Variants in SLC9C2 observed in about 807,000 individuals in gnomAD.
The protein encoded by SLC9C2 is sodium/hydrogen exchanger 11.
A neutral mutation model predicts 140.2 loss-of-function variants in SLC9C2; 75 were observed. The ratio of observed to expected loss-of-function variants is 0.53; its 90% confidence interval spans 0.44 to 0.65. The LOEUF (loss-of-function observed/expected upper bound fraction) is 0.65. Among genes scored for constraint, SLC9C2 ranks in the 30% least tolerant of loss-of-function variants. The pLI is 0.00. For synonymous variants in SLC9C2, 375 were observed against 420.9 expected (o/e 0.89, Z 1.34); for missense variants, 1,074 against 1,331.8 (o/e 0.81, Z 3.01).
At chr1:173,542,355 A>G (rs1047703793) in intron 13 of SLC9C2, among the ~76,000 whole-genome samples, 9 of 152,214 alleles carry the variant, frequency 5.9e-5, no homozygotes, top group Non-Finnish European at 1.2e-4. Context: ...TCTGAAATTG[A>G]GGCAATAATT....
intron 23 of SLC9C2, among the ~76,000 whole-genome samples, chr1:173,513,182 T>C (rs953669156): frequency 6.6e-6 from 1 of 152,208 alleles, no homozygotes; most frequent in Non-Finnish European, 1.5e-5. Flanking sequence ...CCTCATAAAA[T>C]GAGTTAGGGA....
intron 9 of SLC9C2, among the ~76,000 whole-genome samples, chr1:173,561,896 TA>T (rs962282007): frequency 1.3e-5 from 2 of 150,468 alleles, no homozygotes; most frequent in African/African-American, 4.9e-5. Context: ...CCCCCAACTG[TA>T]ACTAATCCAA....
chr1:173,511,029 C>CTTTTTTTTTTTTTTT (rs71111066), intron 23 of SLC9C2, among the ~76,000 whole-genome samples: 20 of 86,746 alleles, frequency 2.3e-4, no homozygotes, highest in South Asian at 9.0e-4. Flanking sequence ...CTTTCTTTTC[C>CTTTTTTTTTTTTTTT]TTTTTTTTTT....
chr1:173,578,937 A>G (rs930403661), intron 7 of SLC9C2, among the ~76,000 whole-genome samples: 3 of 152,244 alleles, frequency 2.0e-5, no homozygotes, highest in African/African-American at 4.8e-5. Flanking sequence ...GTAGGACTTC[A>G]ACGTCTTTTG....
At chr1:173,562,157 A>G (rs1029858035) in intron 9 of SLC9C2, among the ~76,000 whole-genome samples, 3 of 152,204 alleles carry the variant, frequency 2.0e-5, no homozygotes, top group Non-Finnish European at 4.4e-5. Context: ...CCTGTGCCCA[A>G]TGACTATTGA....
rs1407488315 is a variant in SLC9C2 at position 173,533,745 on chromosome 1, A to T, written c.2027T>A (p.Phe676Tyr). Residue 676 changes from phenylalanine (F) to tyrosine (Y), a missense_variant, in exon 17 of 28, where the codon TTT becomes TAT. Transcript: ENST00000367714. Reference protein sequence around the residue: ...YFQQCWNTLEFFILVIGIIDI... With the variant: ...YFQQCWNTLEYFILVIGIIDI... ...AATGATTCCAATAACCAGGATAAAAAATTCCAAAGTATTCCAACATTGTTG... is the reference window on the plus strand; with the variant it reads ...AATGATTCCAATAACCAGGATAAAATATTCCAAAGTATTCCAACATTGTTG... 1.2e-6 allele frequency: 2 copies of T among 1,606,192 alleles called. No individual in the cohort carries two copies. The highest frequency in any genetic ancestry group is 2.2e-5 in the South Asian group (2 of 90,292).
intron 10 of SLC9C2, among the ~76,000 whole-genome samples, chr1:173,556,043 T>C (rs113184433): frequency 3.3e-5 from 5 of 152,262 alleles, no homozygotes; most frequent in African/African-American, 1.2e-4. Context: ...AATTAGACAA[T>C]AGCAACAAAC....
intron 27 of SLC9C2, among the ~76,000 whole-genome samples, chr1:173,501,465 A>G (rs1659262424): frequency 6.6e-6 from 1 of 150,536 alleles, no homozygotes; most frequent in Non-Finnish European, 1.5e-5. Context: ...ATGGGGGCTG[A>G]GACAAGATAG....
At chr1:173,577,872 C>A (rs530650948) in intron 7 of SLC9C2, among the ~76,000 whole-genome samples, 172 of 152,230 alleles carry the variant, frequency 1.1e-3, no homozygotes, top group Middle Eastern at 0.01. Context: ...CTTTAGACTT[C>A]TTTTTATCTA....
chr1:173,567,354 A>G (rs567555987), intron 9 of SLC9C2, among the ~76,000 whole-genome samples: 123 of 152,256 alleles, frequency 8.1e-4, no homozygotes, highest in South Asian at 7.0e-3. Flanking sequence ...TGTTGAGTGC[A>G]TATACATTTA....
chr1:173,507,013 A>T lies in SLC9C2; in HGVS notation c.3068T>A (p.Phe1023Tyr), dbSNP rs763594602. ...TAAAGTTTCCACATATGCTTGATTG[A>T]ACATCACACAGTTCTGAAACCTTAA... ...EDLRFQNCVM[F>Y]NQAYVETLSS... Residue 1023 changes from phenylalanine (F) to tyrosine (Y), a missense_variant, in exon 25 of 28, where the codon TTC becomes TAC. Coordinates refer to ENST00000367714, the MANE Select transcript of SLC9C2 (RefSeq NM_178527.4). The T allele has an allele frequency of 5.1e-5, 82 of 1,602,358 alleles. No homozygotes were observed. Among genetic ancestry groups the T allele is most frequent in the Non-Finnish European group, 6.5e-5 (76 of 1,176,504 alleles).
intron 7 of SLC9C2, 137 bp downstream of exon 7, chr1:173,581,710 T>A: frequency 3.5e-6 from 2 of 564,850 alleles, no homozygotes; most frequent in Admixed American, 3.8e-5. Context: ...GAGCTAGAGG[T>A]AAGTAAAATA....
intron 14 of SLC9C2, among the ~76,000 whole-genome samples, chr1:173,536,234 T>C (rs1371629550): frequency 1.3e-5 from 2 of 152,210 alleles, no homozygotes; most frequent in African/African-American, 4.8e-5. Context: ...GTCATGCTGG[T>C]CTGGCCCAAC....
intron 9 of SLC9C2, among the ~76,000 whole-genome samples, chr1:173,561,887 C>CACA (rs1558068630): frequency 0.013 from 1,866 of 141,140 alleles, 31 homozygotes; most frequent in East Asian, 0.067. Context: ...ACACACACAC[C>CACA]CCCAACTGTA....
At chr1:173,541,969 C>G (rs1450488194) in intron 13 of SLC9C2, among the ~76,000 whole-genome samples, 1 of 152,054 alleles carries the variant, frequency 6.6e-6, no homozygotes, top group African/African-American at 2.4e-5. Flanking sequence ...CAAGAGCAAA[C>G]AAATTCAAAA....
intron 5 of SLC9C2, among the ~76,000 whole-genome samples, chr1:173,584,048 C>T (rs892789449): frequency 2.0e-5 from 3 of 152,112 alleles, no homozygotes; most frequent in South Asian, 2.1e-4. Flanking sequence ...AAGATTTGTA[C>T]GTAAACATTC....
At chr1:173,576,828 T>C (rs1480648509) in intron 7 of SLC9C2, 68 bp from the exon 8 acceptor site, 3 of 946,154 alleles carry the variant, frequency 3.2e-6, no homozygotes, top group African/African-American at 1.7e-5. Flanking sequence ...AGACACTTTA[T>C]CTTGAATAAA....
intron 11 of SLC9C2, among the ~76,000 whole-genome samples, chr1:173,550,670 CT>C (rs1324361736): frequency 6.6e-6 from 1 of 151,768 alleles, no homozygotes; most frequent in Non-Finnish European, 1.5e-5. Flanking sequence ...ATCTCTTGAC[CT>C]TGTGATCCGC....
At chr1:173,504,118 A>G (rs1284973178) in intron 26 of SLC9C2, among the ~76,000 whole-genome samples, 1 of 152,170 alleles carries the variant, frequency 6.6e-6, no homozygotes, top group Non-Finnish European at 1.5e-5. Flanking sequence ...GCAGACCTTC[A>G]GAGACTGTGA....
Sources: allele counts gnomAD v4.1 joint callset (sites outside exome capture counted in the v4.1 genomes callset), GRCh38; gene constraint gnomAD v4.1.1; transcripts MANE v1.5; gene names NCBI Gene and HGNC (gene_info 2026-07-23, HGNC 2026-07-21).